Variants in BRCA1 observed in about 807,000 individuals in gnomAD.
BRCA1 encodes BRCA1 DNA repair associated.
BRCA1 carries 140 observed loss-of-function variants against 173.7 expected under a neutral mutation model. The ratio of observed to expected loss-of-function variants is 0.81; its 90% CI spans 0.70 to 0.93. The LOEUF is 0.93. BRCA1 is among the 40% of genes least tolerant of loss of function. The probability of loss-of-function intolerance (pLI) is 0.00; values close to 1 mark genes in which losing one functional copy is unlikely to be tolerated. For synonymous variants in BRCA1, 662 were observed against 756.0 expected (o/e 0.88, Z 2.04); for missense variants, 1,983 against 2,172.5 (o/e 0.91, Z 1.73).
At chr17:43,150,662 T>C (rs2154581602) in intron 1 of BRCA1, among the ~76,000 whole-genome samples, 1 of 152,244 alleles carries the variant, frequency 6.6e-6, no homozygotes, top group East Asian at 1.9e-4. Context: ...CAAACATGAA[T>C]ATTCACCTCA....
rs928126282 is a variant in BRCA1 at position 43,045,174 on chromosome 17, G to C, written c.*504C>G. ...CCCAATGTTCCACTCCAACATTTGA[G>C]AACTGCCCAAGGACTATTCTGACTT... On this transcript the variant is annotated 3_prime_UTR_variant, in exon 23 of 23. Transcript: ENST00000357654. 14 of 535,486 alleles carry C rather than the reference G, an allele frequency of 2.6e-5. 1 individual carries two copies. The Admixed American group carries it at 3.1e-4, about 12-fold the overall frequency. The allele number at this position is 535,486 out of a possible 1,614,324, so 33.2% of individuals were successfully genotyped here. A position where few individuals can be genotyped will look rare whatever the true frequency, so the allele number is the denominator to read the frequency against.
rs1567830682 is a variant in BRCA1 at position 43,142,966 on chromosome 17, G to GTGTA, written c.-19-18852_-19-18851insTACA. On this transcript the variant is annotated intron_variant, in intron 1 of 7. Coordinates refer to the BRCA1 transcript ENST00000634433. ...TATATATATATGTGTGTGTGTGTGTGTATATATATGTGTGTATATATATAT... is the reference window on the plus strand; with the variant it reads ...TATATATATATGTGTGTGTGTGTGTGTGTATATATATATGTGTGTATATATATAT... 2.1e-3 allele frequency among the ~76,000 whole-genome samples: 151 copies of GTGTA among 72,936 alleles called. 1 individual carries two copies. The highest frequency in any genetic ancestry group is 4.3e-3 in the Non-Finnish European group (132 of 30,636). The allele number at this position is 72,936 out of a possible 152,430, so 47.8% of individuals were successfully genotyped here.
intron 1 of BRCA1, 159 bp downstream of exon 1, chr17:43,125,112 G>T: frequency 4.8e-4 from 129 of 270,174 alleles, no homozygotes; most frequent in South Asian, 9.2e-4. Flanking sequence ...CCTACAAACT[G>T]CCCCCCTCCC....
rs80357432 is a variant in BRCA1, at chr17:43,057,069, C to G, written c.5260G>C (p.Glu1754Gln). The change falls in exon 19 of 23, where the codon GAA becomes CAA. Residue 1754 changes from glutamate (E) to glutamine (Q), a missense_variant. By Grantham distance (29) the Glu-to-Gln change is conservative (BLOSUM62 2). Transcript: ENST00000357654. ...AGCTTTACCTTTCTGTCCTGGGATT[C>G]TCTTGCTCGCTTTGGACCTTGGTGG... is the stretch of plus-strand genomic sequence containing the variant. Reference protein sequence around the residue: ...RNHQGPKRARESQDRKIFRGL... With the variant: ...RNHQGPKRARQSQDRKIFRGL... The G allele has an allele frequency of 1.5e-5, 24 of 1,614,060 alleles. No homozygotes were observed. The South Asian group carries it at 2.6e-4, about 18-fold the overall frequency.
intron 1 of BRCA1, chr17:43,159,338 C>G (rs368488551): frequency 6.2e-6 from 1 of 160,852 alleles, no homozygotes; most frequent in East Asian, 1.4e-4. Context: ...CACCTCCCTC[C>G]GGGACGGGGC....
chr17:43,051,633 TCTGA>T (rs1413913725), intron 19 of BRCA1, among the ~76,000 whole-genome samples: 7 of 151,366 alleles, frequency 4.6e-5, no homozygotes, highest in South Asian at 2.1e-4. Context: ...CCTTGTCTCC[TCTGA>T]CTTTTTTTTT....
At chr17:43,110,137 G>C (rs914014699) in intron 3 of BRCA1, among the ~76,000 whole-genome samples, 2 of 151,996 alleles carry the variant, frequency 1.3e-5, no homozygotes, top group African/African-American at 4.8e-5. Context: ...CTCGTGATGT[G>C]CCCATCTCAG....
chr17:43,098,523 TA>T (rs1402886104), intron 7 of BRCA1, among the ~76,000 whole-genome samples: 2 of 149,628 alleles, frequency 1.3e-5, no homozygotes, highest in Non-Finnish European at 3.0e-5. Context: ...CACACCCAGC[TA>T]ATTTTTTTTT....
chr17:43,097,957 C>A (rs927489206), intron 7 of BRCA1, among the ~76,000 whole-genome samples: 1 of 151,510 alleles, frequency 6.6e-6, no homozygotes, highest in South Asian at 2.1e-4. Flanking sequence ...GATGGCTATC[C>A]TTTTTAATTA....
intron 12 of BRCA1, among the ~76,000 whole-genome samples, chr17:43,077,899 C>A (rs1180705748): frequency 6.6e-6 from 1 of 151,394 alleles, no homozygotes; most frequent in Non-Finnish European, 1.5e-5. Flanking sequence ...CCTCGCCCAA[C>A]TAATTTTGTA....
chr17:43,112,453 A>G, intron 3 of BRCA1: 1 of 152,104 alleles, frequency 6.6e-6, no homozygotes, highest in Non-Finnish European at 1.5e-5. Flanking sequence ...TCTCTACAAG[A>G]AACTTAAAAA....
chr17:43,054,227 G>A (rs992752207), intron 19 of BRCA1, among the ~76,000 whole-genome samples: 2 of 152,128 alleles, frequency 1.3e-5, no homozygotes, highest in Non-Finnish European at 2.9e-5. Context: ...GCTCCCCTGT[G>A]GTAAAGGCAG....
intron 3 of BRCA1, among the ~76,000 whole-genome samples, chr17:43,108,791 A>AGCG (rs1168406924): frequency 7.9e-4 from 118 of 149,812 alleles, no homozygotes; most frequent in Middle Eastern, 6.9e-3. Flanking sequence ...TCAGGAGTTC[A>AGCG]AGACCAGCCT....
chr17:43,084,678 T>A lies in BRCA1; in HGVS notation c.4186-2103A>T, dbSNP rs1015842350. On this transcript the variant is annotated intron_variant, in intron 11 of 22. Coordinates refer to ENST00000357654, the MANE Select transcript of BRCA1 (RefSeq NM_007294.4). ...TCAGGAGGTTTTTATGACCAGAAAA[T>A]GTATTCCTAGCTTCACAAAGGTTTC... 7.2e-5 allele frequency among the ~76,000 whole-genome samples: 11 copies of A among 152,244 alleles called. No homozygotes were observed. In the South Asian group the frequency reaches 1.7e-3, roughly 23 times the overall value.
Position 43,059,856 on chromosome 17 carries a change from T to C in BRCA1, c.5194-2721A>G, listed in dbSNP as rs2051671287. 3.9e-5 allele frequency among the ~76,000 whole-genome samples: 6 copies of C among 152,308 alleles called. No homozygotes were observed. In the South Asian group the frequency reaches 1.2e-3, roughly 32 times the overall value. The stretch of plus-strand genomic sequence containing the variant: ...CTTCTCCCATTCCTTGTGTAATCTC[T>C]GCCTCCACACATAATTTGCAAATTA... On this transcript the variant is annotated intron_variant, in intron 18 of 22. Transcript: ENST00000357654.
At chr17:43,065,302 G>C (rs959579343) in intron 16 of BRCA1, among the ~76,000 whole-genome samples, 4 of 152,086 alleles carry the variant, frequency 2.6e-5, no homozygotes, top group African/African-American at 7.2e-5. Flanking sequence ...GGAAACCTAA[G>C]ATCTTAGAAG....
intron 1 of BRCA1, among the ~76,000 whole-genome samples, chr17:43,153,367 C>T (rs915260019): frequency 1.3e-5 from 2 of 152,206 alleles, no homozygotes; most frequent in Admixed American, 1.3e-4. Context: ...TATCTCTCCT[C>T]CTTTCCCAGG....
At chr17:43,101,976 A>T (rs1418509315) in intron 6 of BRCA1, among the ~76,000 whole-genome samples, 1 of 151,758 alleles carries the variant, frequency 6.6e-6, no homozygotes, top group Non-Finnish European at 1.5e-5. Flanking sequence ...GTCATAGCTC[A>T]ACTGCAGCCT....
rs746155740 is a variant in BRCA1 at position 43,059,469 on chromosome 17, C to CACAACAACAACA, written c.5194-2346_5194-2335dup. On this transcript the variant is annotated intron_variant, in intron 18 of 22. Coordinates refer to ENST00000357654, the MANE Select transcript of BRCA1 (RefSeq NM_007294.4). ...CCTGGGCAACAGAACGAGATGCTGT[C>CACAACAACAACA]ACAACAACAACAACAACAACAACAA... is the stretch of plus-strand genomic sequence containing the variant. Among the ~76,000 whole-genome samples the CACAACAACAACA allele has an allele frequency of 4.1e-3, 606 of 147,536 alleles. 1 individual carries two copies. Among genetic ancestry groups the CACAACAACAACA allele is most frequent in the African/African-American group, 7.5e-3 (298 of 39,780 alleles).
Sources: gnomAD v4.1 joint callset for allele counts (sites outside exome capture counted in the v4.1 genomes callset) on GRCh38, gnomAD v4.1.1 for gene constraint, MANE v1.5 for transcripts, NCBI Gene and HGNC (gene_info 2026-07-23, HGNC 2026-07-21) for gene names.